PDCD10: variants seen among roughly 807,000 people sequenced by gnomAD.
The protein encoded by PDCD10 is programmed cell death 10.
PDCD10 carries 4 observed loss-of-function variants against 29.2 expected under a neutral mutation model. The observed-to-expected ratio is 0.14, with a 90% CI of 0.07 to 0.31. The LOEUF (loss-of-function observed/expected upper bound fraction) is 0.31. Ranked by LOEUF, PDCD10 falls within the 10% of genes least tolerant of loss-of-function variation. The probability of loss-of-function intolerance (pLI) is 1.00; values close to 1 mark genes in which losing one functional copy is unlikely to be tolerated. For missense variants in PDCD10, 183 were observed against 257.9 expected, an observed-to-expected ratio of 0.71 and a Z score of 1.99; for synonymous variants, 70 against 82.2, an observed-to-expected ratio of 0.85 and a Z score of 0.80.
chr3:167,704,820 T>C (rs887853970), intron 4 of PDCD10, 22 bp downstream of exon 4: 9 of 1,479,272 alleles, frequency 6.1e-6, no homozygotes, highest in African/African-American at 2.8e-5. Context: ...TTAATAATCA[T>C]AGTAAATTAT....
intron 2 of PDCD10, among the ~76,000 whole-genome samples, chr3:167,726,070 T>C (rs1251621807): frequency 6.7e-6 from 1 of 149,708 alleles, no homozygotes; most frequent in African/African-American, 2.4e-5. Context: ...AAAAGTTAAC[T>C]GCACCATGTC....
rs546722173 is a variant in PDCD10, at chr3:167,734,846, C to G, written c.-438G>C. 9.1e-4 allele frequency: 140 copies of G among 154,024 alleles called. 1 individual carries two copies. Among genetic ancestry groups the G allele is most frequent in the Non-Finnish European group, 1.4e-3 (99 of 69,068 alleles). 9.5% of individuals were successfully genotyped at this position (154,024 alleles called of 1,614,324 possible). On this transcript the variant is annotated 5_prime_UTR_variant, in exon 1 of 9. Coordinates refer to ENST00000392750, the MANE Select transcript of PDCD10 (RefSeq NM_007217.4). ...TGACTTCACTTCCCACCTTGCAGCC[C>G]TCTTCAACTCCCGGATCAATTCACT...
At chr3:167,721,970 T>C (rs1353159242) in intron 2 of PDCD10, among the ~76,000 whole-genome samples, 5 of 152,066 alleles carry the variant, frequency 3.3e-5, no homozygotes, top group Admixed American at 3.3e-4. Context: ...AGTAGATAAA[T>C]ACCAATTGTG....
At chr3:167,695,743 T>TA in intron 5 of PDCD10, 21 bp from the exon 6 acceptor site, 2 of 1,611,474 alleles carry the variant, frequency 1.2e-6, no homozygotes, top group African/African-American at 1.3e-5. Context: ...AAATACATAA[T>TA]AAAAAACATC....
At chr3:167,686,551 T>C (rs1044531884) in intron 8 of PDCD10, among the ~76,000 whole-genome samples, 3 of 152,232 alleles carry the variant, frequency 2.0e-5, no homozygotes, top group Non-Finnish European at 2.9e-5. Flanking sequence ...CAGAAAGGAT[T>C]GACAACTATT....
intron 3 of PDCD10, among the ~76,000 whole-genome samples, chr3:167,718,002 A>G (rs1723184945): frequency 6.6e-6 from 1 of 152,110 alleles, no homozygotes; most frequent in Non-Finnish European, 1.5e-5. Flanking sequence ...CAGATAAATA[A>G]AGAAAATTCT....
chr3:167,691,551 T>C (rs1720236311), intron 6 of PDCD10, among the ~76,000 whole-genome samples: 1 of 152,028 alleles, frequency 6.6e-6, no homozygotes, highest in Non-Finnish European at 1.5e-5. Flanking sequence ...CTCCCTAGAG[T>C]CACAGACGGT....
At position 167,683,702 on chromosome 3, in the gene PDCD10, A is replaced by C. The variant is rs934100885; in HGVS notation, c.*606T>G. ...AGTACCTTATAAGTAATTAACAAAA[A>C]TATTTCCATTGACTACTCTGTGTCC... On this transcript the variant is annotated 3_prime_UTR_variant, in exon 9 of 9. Transcript: ENST00000392750. 2.0e-5 allele frequency: 3 copies of C among 151,868 alleles called. No homozygotes were observed. Among genetic ancestry groups the C allele is most frequent in the Non-Finnish European group, 4.4e-5 (3 of 67,884 alleles). The allele number at this position is 151,868 out of a possible 1,614,324, so 9.4% of individuals were successfully genotyped here. A position where few individuals can be genotyped will look rare whatever the true frequency, so the allele number is the denominator to read the frequency against.
At chr3:167,720,805 C>A (rs574468171) in intron 2 of PDCD10, among the ~76,000 whole-genome samples, 2 of 151,932 alleles carry the variant, frequency 1.3e-5, no homozygotes, top group African/African-American at 4.8e-5. Flanking sequence ...ATAACAAGCA[C>A]CAAATATGTC....
chr3:167,683,814 A>ACAC lies in PDCD10; in HGVS notation c.*491_*493dup, dbSNP rs540116323. On this transcript the variant is annotated 3_prime_UTR_variant, in exon 9 of 9. Transcript: ENST00000392750. ...TCCCATTAGAAGTTTTTTAGACATT[A>ACAC]CACCAAGTTGTCTTGGTCTTCTGTT... The ACAC allele has an allele frequency of 1.3e-5, 2 of 148,714 alleles. No homozygotes were observed. The highest frequency in any genetic ancestry group is 4.2e-4 in the South Asian group (2 of 4,744). 9.2% of individuals were successfully genotyped at this position (148,714 alleles called of 1,614,324 possible). A position where few individuals can be genotyped will look rare whatever the true frequency, so the allele number is the denominator to read the frequency against.
intron 2 of PDCD10, among the ~76,000 whole-genome samples, chr3:167,724,288 G>C (rs1723872165): frequency 6.6e-6 from 1 of 152,178 alleles, no homozygotes; most frequent in Admixed American, 6.6e-5. Context: ...AACGTTTGTA[G>C]GCAGGCAGGT....
chr3:167,727,344 T>C (rs1002262543), intron 2 of PDCD10, among the ~76,000 whole-genome samples: 36 of 152,212 alleles, frequency 2.4e-4, no homozygotes, highest in Non-Finnish European at 4.6e-4. Context: ...CATACATCTC[T>C]TTAGTTGTGA....
At chr3:167,700,763 T>C (rs1721326315) in intron 4 of PDCD10, among the ~76,000 whole-genome samples, 1 of 152,218 alleles carries the variant, frequency 6.6e-6, no homozygotes, top group Non-Finnish European at 1.5e-5. Flanking sequence ...AAAGAGGTTT[T>C]GCTTAAAAAA....
intron 3 of PDCD10, among the ~76,000 whole-genome samples, chr3:167,705,164 AT>A (rs1721854244): frequency 6.6e-6 from 1 of 152,166 alleles, no homozygotes. Context: ...ATTTCAAAAG[AT>A]TAACATCCTT....
intron 2 of PDCD10, among the ~76,000 whole-genome samples, chr3:167,723,517 T>C (rs1324156540): frequency 2.6e-5 from 4 of 152,182 alleles, no homozygotes; most frequent in Admixed American, 1.3e-4. Flanking sequence ...AAAAAGTTAT[T>C]TCACCCATTT....
chr3:167,704,017 A>G (rs916322479), intron 4 of PDCD10, among the ~76,000 whole-genome samples: 3 of 152,188 alleles, frequency 2.0e-5, no homozygotes, highest in Non-Finnish European at 2.9e-5. Flanking sequence ...CAAAAGCAAC[A>G]TGTGGCTAGT....
chr3:167,703,815 A>T (rs1381248926), intron 4 of PDCD10, among the ~76,000 whole-genome samples: 1 of 152,038 alleles, frequency 6.6e-6, no homozygotes, highest in African/African-American at 2.4e-5. Context: ...GGCCACATTT[A>T]AAAAAAAGTA....
intron 6 of PDCD10, among the ~76,000 whole-genome samples, chr3:167,689,929 T>C (rs1439150814): frequency 6.6e-6 from 1 of 152,222 alleles, no homozygotes; most frequent in East Asian, 1.9e-4. Context: ...TTTTCATTTA[T>C]GGCACCAAGG....
chr3:167,695,942 T>C (rs1465742996), intron 5 of PDCD10, among the ~76,000 whole-genome samples: 5 of 147,546 alleles, frequency 3.4e-5, no homozygotes, highest in Admixed American at 3.4e-4. Flanking sequence ...AAAGAATAAA[T>C]ATTTTCAATT....
Sources: allele counts gnomAD v4.1 joint callset (sites outside exome capture counted in the v4.1 genomes callset), GRCh38; gene constraint gnomAD v4.1.1; transcripts MANE v1.5; gene names NCBI Gene and HGNC (gene_info 2026-07-23, HGNC 2026-07-21).